PLCXD2: variants seen among roughly 807,000 people sequenced by gnomAD.
PLCXD2 encodes the protein PI-PLC X domain-containing protein 2.
In PLCXD2, 21 loss-of-function variants were observed where a neutral mutation model predicts 28.6. The observed-to-expected ratio is 0.73, with a 90% CI of 0.52 to 1.06. PLCXD2 has a LOEUF of 1.06. Among genes scored for constraint, PLCXD2 ranks in the 50% least tolerant of loss-of-function variants. PLCXD2 has a pLI of 0.00. For missense variants in PLCXD2, 369 were observed against 376.7 expected, an observed-to-expected ratio of 0.98 and a Z score of 0.17; for synonymous variants, 140 against 150.1, an observed-to-expected ratio of 0.93 and a Z score of 0.49.
intron 1 of PLCXD2, among the ~76,000 whole-genome samples, chr3:111,700,496 A>G (rs774579992): frequency 3.9e-5 from 6 of 152,176 alleles, no homozygotes; most frequent in African/African-American, 4.8e-5. Flanking sequence ...TTTTTAGATG[A>G]CCATAAAATT....
chr3:111,685,622 T>C (rs1209785318), intron 1 of PLCXD2, among the ~76,000 whole-genome samples: 2 of 152,262 alleles, frequency 1.3e-5, no homozygotes, highest in African/African-American at 2.4e-5. Flanking sequence ...TATTGTTCTT[T>C]CTTGTGTGTT....
intron 1 of PLCXD2, among the ~76,000 whole-genome samples, chr3:111,695,876 A>G (rs1940953892): frequency 6.6e-6 from 1 of 152,202 alleles, no homozygotes; most frequent in Non-Finnish European, 1.5e-5. Flanking sequence ...TTATTTTTTA[A>G]ATTTTCCATT....
intron 1 of PLCXD2, among the ~76,000 whole-genome samples, chr3:111,685,920 C>G (rs960203046): frequency 6.6e-6 from 1 of 152,182 alleles, no homozygotes; most frequent in Non-Finnish European, 1.5e-5. Context: ...AATGCTCCCC[C>G]CCACAACATG....
chr3:111,700,784 G>T (rs1387253546), intron 1 of PLCXD2, among the ~76,000 whole-genome samples: 1 of 151,902 alleles, frequency 6.6e-6, no homozygotes, highest in African/African-American at 2.4e-5. Flanking sequence ...GATGATCTTG[G>T]ATATAACTGA....
intron 3 of PLCXD2, chr3:111,725,665 C>A (rs1941406548): frequency 5.0e-6 from 2 of 398,436 alleles, no homozygotes; most frequent in African/African-American, 4.1e-5. Flanking sequence ...TTCTACCCTG[C>A]AGTGGATATA....
At position 111,718,535 on chromosome 3, in the gene PLCXD2, T is replaced by TAGATA. The variant is rs1559799114; in HGVS notation, c.866+4407_866+4408insAGATA. On this transcript the variant is annotated intron_variant, in intron 3 of 4. Transcript: ENST00000477665. Reference sequence around the variant, plus strand: ...TAGATAGATAGATAGATAGATAGATTGATTGATTTATGATATGTGTTTTAG... The same window carrying TAGATA: ...TAGATAGATAGATAGATAGATAGATTAGATAGATTGATTTATGATATGTGTTTTAG... 9.6e-3 allele frequency among the ~76,000 whole-genome samples: 998 copies of TAGATA among 104,292 alleles called. 4 individuals are homozygous for TAGATA. The highest frequency in any genetic ancestry group is 0.012 in the East Asian group (42 of 3,584). The allele number at this position is 104,292 out of a possible 152,430, so 68.4% of individuals were successfully genotyped here. A position where few individuals can be genotyped will look rare whatever the true frequency, so the allele number is the denominator to read the frequency against.
chr3:111,704,739 T>A (rs1941092951), intron 1 of PLCXD2, among the ~76,000 whole-genome samples: 1 of 152,190 alleles, frequency 6.6e-6, no homozygotes, highest in Non-Finnish European at 1.5e-5. Flanking sequence ...TCTTTGAAAG[T>A]ATACAATAAA....
chr3:111,712,306 G>A (rs549329795), intron 2 of PLCXD2, among the ~76,000 whole-genome samples: 1 of 152,218 alleles, frequency 6.6e-6, no homozygotes, highest in African/African-American at 2.4e-5. Flanking sequence ...TGTGGCCCAC[G>A]GGCAGGCCCA....
intron 1 of PLCXD2, among the ~76,000 whole-genome samples, chr3:111,690,479 G>A (rs977536866): frequency 2.6e-5 from 4 of 152,110 alleles, no homozygotes; most frequent in African/African-American, 4.8e-5. Context: ...CAAGGCTCCG[G>A]CACAGAAAAA....
chr3:111,719,660 A>G (rs1236280909), intron 3 of PLCXD2, among the ~76,000 whole-genome samples: 1 of 152,220 alleles, frequency 6.6e-6, no homozygotes, highest in Non-Finnish European at 1.5e-5. Context: ...TACATTTTTC[A>G]TGGCTTATAT....
intron 1 of PLCXD2, among the ~76,000 whole-genome samples, chr3:111,688,303 T>C (rs1338077272): frequency 6.6e-6 from 1 of 152,206 alleles, no homozygotes. Context: ...TGAAAGTTGT[T>C]ATACTCATAG....
chr3:111,699,891 T>C (rs551563895), intron 1 of PLCXD2, among the ~76,000 whole-genome samples: 1 of 152,280 alleles, frequency 6.6e-6, no homozygotes, highest in East Asian at 1.9e-4. Context: ...AAAGGAGTGA[T>C]GAAGAAAGCA....
intron 2 of PLCXD2, among the ~76,000 whole-genome samples, chr3:111,713,234 G>A (rs1285909432): frequency 6.6e-6 from 1 of 152,184 alleles, no homozygotes; most frequent in Non-Finnish European, 1.5e-5. Flanking sequence ...AGGGATATGA[G>A]GGTAGAATTT....
At chr3:111,698,379 T>A (rs1175073091) in intron 1 of PLCXD2, among the ~76,000 whole-genome samples, 1 of 152,238 alleles carries the variant, frequency 6.6e-6, no homozygotes, top group Non-Finnish European at 1.5e-5. Context: ...CAACAGACTC[T>A]GTGCCCCTAT....
At chr3:111,697,337 AG>A (rs1014883440) in intron 1 of PLCXD2, among the ~76,000 whole-genome samples, 2 of 152,220 alleles carry the variant, frequency 1.3e-5, no homozygotes, top group African/African-American at 4.8e-5. Flanking sequence ...CTTCTAAGAA[AG>A]CAAAAAGCCT....
intron 1 of PLCXD2, among the ~76,000 whole-genome samples, chr3:111,699,382 G>C (rs1941008903): frequency 6.6e-6 from 1 of 152,088 alleles, no homozygotes; most frequent in African/African-American, 2.4e-5. Context: ...TTTTATTTGA[G>C]CTCAGAAAAT....
chr3:111,717,885 C>A (rs771522613), intron 3 of PLCXD2, among the ~76,000 whole-genome samples: 5 of 152,152 alleles, frequency 3.3e-5, no homozygotes, highest in Non-Finnish European at 7.4e-5. Flanking sequence ...CAAACCACAA[C>A]ATGTTGTCAC....
At chr3:111,717,965 C>T (rs1941290503) in intron 3 of PLCXD2, among the ~76,000 whole-genome samples, 1 of 150,778 alleles carries the variant, frequency 6.6e-6, no homozygotes, top group Admixed American at 6.6e-5. Flanking sequence ...TTCTACCTCA[C>T]ACTCTTCCAG....
chr3:111,715,192 A>C (rs1406757690), intron 3 of PLCXD2, among the ~76,000 whole-genome samples: 1 of 152,222 alleles, frequency 6.6e-6, no homozygotes, highest in Admixed American at 6.5e-5. Context: ...GTCTTGACTG[A>C]ATTCATTATG....
Sources: allele counts gnomAD v4.1 joint callset (sites outside exome capture counted in the v4.1 genomes callset), GRCh38; gene constraint gnomAD v4.1.1; transcripts MANE v1.5; gene names NCBI Gene and HGNC (gene_info 2026-07-23, HGNC 2026-07-21).